FGF1: variants seen among roughly 807,000 people sequenced by gnomAD.
FGF1 encodes fibroblast growth factor 1, also known as beta-endothelial cell growth factor.
Under a neutral mutation model 13.4 loss-of-function variants are expected in FGF1, and 9 were observed. The observed-to-expected ratio is 0.67, with a 90% confidence interval of 0.40 to 1.17. FGF1 has a LOEUF of 1.17. FGF1 is among the 50% of genes most tolerant of loss of function. The probability of loss-of-function intolerance (pLI) is 0.01; values close to 1 mark genes in which losing one functional copy is unlikely to be tolerated. For synonymous variants in FGF1, 93 were observed against 79.0 expected, an observed-to-expected ratio of 1.18 and a Z score of -0.94; for missense variants, 156 against 192.7, an observed-to-expected ratio of 0.81 and a Z score of 1.13.
At chr5:142,648,720 G>C (rs897526087) in intron 1 of FGF1, among the ~76,000 whole-genome samples, 1 of 126,818 alleles carries the variant, frequency 7.9e-6, no homozygotes, top group East Asian at 2.6e-4. Context: ...AAAAGAACAA[G>C]TGTCTTGAGG....
At chr5:142,625,787 CTGT>C (rs1333993274) in intron 1 of FGF1, among the ~76,000 whole-genome samples, 1 of 152,356 alleles carries the variant, frequency 6.6e-6, no homozygotes, top group Admixed American at 6.5e-5. Flanking sequence ...TCTTTTGAAT[CTGT>C]TGTTGTGCAA....
At chr5:142,674,578 C>T (rs1304397990) in intron 1 of FGF1, among the ~76,000 whole-genome samples, 1 of 152,086 alleles carries the variant, frequency 6.6e-6, no homozygotes, top group African/African-American at 2.4e-5. Context: ...GAAACATGAG[C>T]CAGCCAACGC....
chr5:142,693,702 G>T (rs997521883), intron 2 of FGF1, among the ~76,000 whole-genome samples: 3 of 151,972 alleles, frequency 2.0e-5, no homozygotes, highest in Admixed American at 6.6e-5. Context: ...CCTCCCTCCT[G>T]CCAGGCCTAA....
chr5:142,603,961 C>G (rs1757116004), intron 2 of FGF1, among the ~76,000 whole-genome samples: 1 of 152,124 alleles, frequency 6.6e-6, no homozygotes. Context: ...TGAGGCATGC[C>G]ACAACACAGA....
intron 2 of FGF1, among the ~76,000 whole-genome samples, chr5:142,604,969 G>C (rs1757325629): frequency 6.6e-6 from 1 of 152,194 alleles, no homozygotes; most frequent in Non-Finnish European, 1.5e-5. Context: ...ATGGAATGGA[G>C]TGAGGTTAGT....
intron 2 of FGF1, among the ~76,000 whole-genome samples, chr5:142,613,485 C>T (rs192825423): frequency 1.9e-3 from 295 of 152,346 alleles, no homozygotes; most frequent in African/African-American, 6.8e-3. Flanking sequence ...TGTAAGACTA[C>T]GATTATGAAC....
At chr5:142,629,697 C>T (rs1179570915) in intron 1 of FGF1, among the ~76,000 whole-genome samples, 1 of 151,778 alleles carries the variant, frequency 6.6e-6, no homozygotes, top group Admixed American at 6.6e-5. Flanking sequence ...TAATGTAAAC[C>T]TCGTAGGGGC....
intron 1 of FGF1, among the ~76,000 whole-genome samples, chr5:142,653,872 T>G (rs1767700258): frequency 6.6e-6 from 1 of 152,132 alleles, no homozygotes; most frequent in Non-Finnish European, 1.5e-5. Context: ...GGTGGGTGGA[T>G]CACAAGTTCA....
intron 1 of FGF1, among the ~76,000 whole-genome samples, chr5:142,639,892 G>A (rs1447337272): frequency 1.3e-5 from 2 of 151,922 alleles, no homozygotes; most frequent in Admixed American, 1.3e-4. Context: ...GAAAAAAATA[G>A]TTGTTGAGAG....
chr5:142,621,466 T>C (rs1230013373), intron 1 of FGF1: 5 of 152,088 alleles, frequency 3.3e-5, no homozygotes, highest in Non-Finnish European at 7.3e-5. Flanking sequence ...AGCTGGATAT[T>C]TCGGATATTT....
chr5:142,601,076 C>A, intron 2 of FGF1: 1 of 590,548 alleles, frequency 1.7e-6, no homozygotes, highest in Non-Finnish European at 3.2e-6. Context: ...TACAAAATGA[C>A]CCTGAGTGCA....
chr5:142,629,112 T>G (rs1189618462), intron 1 of FGF1, among the ~76,000 whole-genome samples: 1 of 152,222 alleles, frequency 6.6e-6, no homozygotes, highest in African/African-American at 2.4e-5. Context: ...TACTAGATTG[T>G]AAAATTTTAT....
At chr5:142,601,359 T>C (rs1043755789) in intron 2 of FGF1, among the ~76,000 whole-genome samples, 2 of 152,086 alleles carry the variant, frequency 1.3e-5, no homozygotes, top group African/African-American at 4.8e-5. Flanking sequence ...ACAGAAGAGG[T>C]TCCCAGGGAG....
chr5:142,642,326 C>T (rs1310081640), intron 1 of FGF1, among the ~76,000 whole-genome samples: 1 of 152,212 alleles, frequency 6.6e-6, no homozygotes, highest in Non-Finnish European at 1.5e-5. Context: ...GAAGTACACT[C>T]AAGTTCATTT....
At position 142,595,195 on chromosome 5, in the gene FGF1, T is replaced by A. The variant is rs569945277; in HGVS notation, c.*95A>T. 13 of 989,380 alleles carry A rather than the reference T, an allele frequency of 1.3e-5. No individual in the cohort carries two copies. In the South Asian group the frequency reaches 2.1e-4, roughly 16 times the overall value. 61.3% of individuals were successfully genotyped at this position (989,380 alleles called of 1,614,324 possible). On this transcript the variant is annotated 3_prime_UTR_variant, in exon 4 of 4. Coordinates refer to ENST00000337706, the MANE Select transcript of FGF1 (RefSeq NM_000800.5). ...AATTCAGGCTCTGTGGGCTGGGGGTTAGCGCAGCCAATGGTCAAGGGAACA... is the reference window on the plus strand; with the variant it reads ...AATTCAGGCTCTGTGGGCTGGGGGTAAGCGCAGCCAATGGTCAAGGGAACA...
chr5:142,596,443 ATT>A (rs1381298854), intron 3 of FGF1, among the ~76,000 whole-genome samples: 2 of 127,220 alleles, frequency 1.6e-5, no homozygotes, highest in African/African-American at 6.3e-5. Context: ...ATTCTCTACA[ATT>A]TTTTTTTTTT....
intron 1 of FGF1, among the ~76,000 whole-genome samples, chr5:142,659,781 T>C: frequency 6.6e-6 from 1 of 152,198 alleles, no homozygotes. Flanking sequence ...GGTGCCATTG[T>C]TGTGGGAGTG....
intron 1 of FGF1, among the ~76,000 whole-genome samples, chr5:142,640,483 G>A (rs894288824): frequency 1.2e-4 from 18 of 151,726 alleles, no homozygotes; most frequent in African/African-American, 4.4e-4. Context: ...GCCAGGTGGG[G>A]TCAGGGTTGT....
At chr5:142,662,994 T>G (rs1769555351) in intron 1 of FGF1, among the ~76,000 whole-genome samples, 1 of 152,120 alleles carries the variant, frequency 6.6e-6, no homozygotes, top group Admixed American at 6.6e-5. Context: ...CAGATACATT[T>G]TTTTGTAGTT....
Sources: gnomAD v4.1 joint callset for allele counts (sites outside exome capture counted in the v4.1 genomes callset) on GRCh38, gnomAD v4.1.1 for gene constraint, MANE v1.5 for transcripts, NCBI Gene and HGNC (gene_info 2026-07-23, HGNC 2026-07-21) for gene names.